STK32B: variants seen among roughly 807,000 people sequenced by gnomAD.
The protein encoded by STK32B is serine/threonine kinase 32B, also known as serine/threonine-protein kinase 32B.
In STK32B, 43 loss-of-function variants were observed where a neutral mutation model predicts 52.6. The observed-to-expected ratio is 0.82, with a 90% CI of 0.64 to 1.05. STK32B has a LOEUF of 1.05. Among genes scored for constraint, STK32B ranks in the 50% least tolerant of loss-of-function variants. The pLI, the probability that STK32B is intolerant of heterozygous loss-of-function variation, is 0.00. For missense variants in STK32B, 621 were observed against 534.6 expected (o/e 1.16, Z -1.59); for synonymous variants, 238 against 204.3 (o/e 1.17, Z -1.41).
intron 2 of STK32B, among the ~76,000 whole-genome samples, chr4:5,155,649 C>T (rs557725652): frequency 1.1e-4 from 16 of 152,130 alleles, no homozygotes; most frequent in South Asian, 2.1e-4. Context: ...TTCCCCCATG[C>T]TGTTCTCATG....
At position 5,243,706 on chromosome 4, in the gene STK32B, C is replaced by G. The variant is rs146274849; in HGVS notation, c.260+75256C>G. ...TTTTTGTCCATTCAGTATGATATTG[C>G]CTGTGGGTTTGTCATAGATAGCTCT... is the stretch of plus-strand genomic sequence containing the variant. On this transcript the variant is annotated intron_variant, in intron 3 of 11. Transcript: ENST00000282908. Among the ~76,000 whole-genome samples the G allele has an allele frequency of 7.7e-3, 1,167 of 152,074 alleles. 32 individuals carry two copies. The East Asian group carries it at 0.095, about 12-fold the overall frequency.
intron 11 of STK32B, among the ~76,000 whole-genome samples, chr4:5,486,428 G>A (rs777818523): frequency 2.6e-5 from 4 of 152,198 alleles, no homozygotes; most frequent in East Asian, 1.9e-4. Context: ...TGCTAAGACC[G>A]TTGTAAAAGC....
chr4:5,038,400 C>T, the STK32B span, among the ~76,000 whole-genome samples: 8 of 152,128 alleles, frequency 5.3e-5, no homozygotes, highest in Non-Finnish European at 7.3e-5. Flanking sequence ...TTCTGAGAAA[C>T]GTGTGTTGGG....
rs572099124 is a variant in STK32B at position 5,339,001 on chromosome 4, A to G, written c.434+7608A>G. Among the ~76,000 whole-genome samples, 5 of 152,338 alleles carry G rather than the reference A, an allele frequency of 3.3e-5. No individual in the cohort carries two copies. In the South Asian group the frequency reaches 6.2e-4, roughly 19 times the overall value. On this transcript the variant is annotated intron_variant, in intron 4 of 11. Transcript: ENST00000282908. ...GATGGCCCTCCCCAATGTCGTGGGC[A>G]TCAACGATTCCTCTGAGGGCCTGAA... is the stretch of plus-strand genomic sequence containing the variant.
intron 3 of STK32B, among the ~76,000 whole-genome samples, chr4:5,196,137 G>T (rs4689201): frequency 6.6e-6 from 1 of 152,212 alleles, no homozygotes; most frequent in East Asian, 1.9e-4. Context: ...TGGAAATGCA[G>T]GTGGAGAGGG....
chr4:5,319,539 C>G (rs1310355236), intron 3 of STK32B, among the ~76,000 whole-genome samples: 1 of 150,186 alleles, frequency 6.7e-6, no homozygotes, highest in African/African-American at 2.5e-5. Flanking sequence ...AGAGTCTTCT[C>G]CTCACTCCCA....
At chr4:5,122,200 T>A (rs1260963525) in intron 1 of STK32B, among the ~76,000 whole-genome samples, 2 of 152,154 alleles carry the variant, frequency 1.3e-5, no homozygotes, top group African/African-American at 4.8e-5. Context: ...ACTCATTCAC[T>A]CATTCTTTTA....
intron 3 of STK32B, among the ~76,000 whole-genome samples, chr4:5,277,484 A>C (rs1727902299): frequency 6.6e-6 from 1 of 152,314 alleles, no homozygotes; most frequent in South Asian, 2.1e-4. Flanking sequence ...GCTAAAATAG[A>C]CATTGAAAAG....
the STK32B span, among the ~76,000 whole-genome samples, chr4:5,037,207 A>G: frequency 6.6e-6 from 1 of 152,308 alleles, no homozygotes; most frequent in South Asian, 2.1e-4. Context: ...TAGTCACGAC[A>G]ATCAAAAATG....
intron 11 of STK32B, among the ~76,000 whole-genome samples, chr4:5,477,724 G>T (rs200519533): frequency 6.6e-6 from 1 of 152,242 alleles, no homozygotes; most frequent in African/African-American, 2.4e-5. Context: ...GGAATTACAC[G>T]CTCCAGCCTG....
At position 5,051,708 on chromosome 4, in the gene STK32B, C is replaced by T. The variant is rs1741788772; in HGVS notation, c.-156C>T. On this transcript the variant is annotated 5_prime_UTR_variant, in exon 1 of 12. Coordinates refer to ENST00000282908, the MANE Select transcript of STK32B (RefSeq NM_018401.3). Reference sequence around the variant, plus strand: ...CGTCCAGGAGAAGGGGGACGCCGTCCCCGCCCCTGCACGGTGCTCGGCCCC... The same window carrying T: ...CGTCCAGGAGAAGGGGGACGCCGTCTCCGCCCCTGCACGGTGCTCGGCCCC... 1.1e-6 allele frequency: 1 copy of T among 898,272 alleles called. No homozygotes were observed. The highest frequency in any genetic ancestry group is 1.6e-6 in the Non-Finnish European group (1 of 616,386). 55.6% of individuals were successfully genotyped at this position (898,272 alleles called of 1,614,324 possible). A position where few individuals can be genotyped will look rare whatever the true frequency, so the allele number is the denominator to read the frequency against.
intron 11 of STK32B, among the ~76,000 whole-genome samples, chr4:5,482,277 GTTC>G (rs1251383754): frequency 6.6e-6 from 1 of 152,146 alleles, no homozygotes; most frequent in African/African-American, 2.4e-5. Flanking sequence ...GTGGTTTGTA[GTTC>G]TTCTTGAAGA....
chr4:5,098,721 C>T (rs1301174962), intron 1 of STK32B, among the ~76,000 whole-genome samples: 1 of 152,198 alleles, frequency 6.6e-6, no homozygotes, highest in Non-Finnish European at 1.5e-5. Flanking sequence ...TCTTCCTGGT[C>T]TCCCAGCTGT....
chr4:5,286,096 A>G (rs1220366992), intron 3 of STK32B, among the ~76,000 whole-genome samples: 2 of 152,172 alleles, frequency 1.3e-5, no homozygotes, highest in Admixed American at 6.5e-5. Flanking sequence ...TGCCAATGCC[A>G]TGATCTTGCA....
chr4:5,230,961 G>A (rs902459775), intron 3 of STK32B, among the ~76,000 whole-genome samples: 1 of 152,162 alleles, frequency 6.6e-6, no homozygotes, highest in African/African-American at 2.4e-5. Flanking sequence ...TAGAGTCTAT[G>A]GAAAAGGATA....
At position 5,051,539 on chromosome 4, in the gene STK32B, A is replaced by T; in HGVS notation, c.-325A>T. 2.9e-6 allele frequency: 1 copy of T among 349,468 alleles called. No individual in the cohort carries two copies. Among genetic ancestry groups the T allele is most frequent in the Non-Finnish European group, 5.1e-6 (1 of 195,404 alleles). 21.6% of individuals were successfully genotyped at this position (349,468 alleles called of 1,614,324 possible). ...CGTCTCCCGCCCGCTGTAGCCGGCGAGGAGCGCCGCACGTTGGCCCCGGCG... is the reference window on the plus strand; with the variant it reads ...CGTCTCCCGCCCGCTGTAGCCGGCGTGGAGCGCCGCACGTTGGCCCCGGCG... On this transcript the variant is annotated 5_prime_UTR_variant, in exon 1 of 12. Coordinates refer to ENST00000282908, the MANE Select transcript of STK32B (RefSeq NM_018401.3).
intron 3 of STK32B, among the ~76,000 whole-genome samples, chr4:5,172,426 T>A (rs1719462013): frequency 6.6e-6 from 1 of 152,094 alleles, no homozygotes; most frequent in Non-Finnish European, 1.5e-5. Context: ...GTCCATTCAG[T>A]ATGATATTGG....
Position 5,498,984 on chromosome 4 carries a change from C to A in STK32B, c.1146C>A (p.Asp382Glu). 1 of 1,613,848 alleles carries A rather than the reference C, an allele frequency of 6.2e-7. No homozygotes were observed. The highest frequency in any genetic ancestry group is 8.5e-7 in the Non-Finnish European group (1 of 1,179,844). Residue 382 changes from aspartate to glutamate, a missense_variant, in exon 12 of 12, where the codon GAC becomes GAA. By Grantham distance (45) the Asp-to-Glu change is conservative (BLOSUM62 2). Transcript: ENST00000282908. ...AGGGACAGGGCAGCCAGCTCTTGGA[C>A]ACCGACAGCCGAGGGGGAGGCCAGG... The part of the protein sequence containing the change: ...RQQGQGSQLL[D>E]TDSRGGGQAQ...
At chr4:5,198,874 C>A (rs1402448536) in intron 3 of STK32B, among the ~76,000 whole-genome samples, 1 of 150,632 alleles carries the variant, frequency 6.6e-6, no homozygotes, top group Non-Finnish European at 1.5e-5. Flanking sequence ...GACTTAAAAT[C>A]CCTGCTGCGC....
Sources: allele counts gnomAD v4.1 joint callset (sites outside exome capture counted in the v4.1 genomes callset), GRCh38; gene constraint gnomAD v4.1.1; transcripts MANE v1.5; gene names NCBI Gene and HGNC (gene_info 2026-07-23, HGNC 2026-07-21).